Variants in BMPER observed in about 807,000 individuals in gnomAD.
The protein encoded by BMPER is BMP binding endothelial regulator.
A neutral mutation model predicts 87.3 loss-of-function variants in BMPER; 45 were observed. That is an observed-to-expected ratio of 0.52 (90% CI 0.41 to 0.66). The LOEUF (loss-of-function observed/expected upper bound fraction) is 0.66. BMPER is among the 30% of genes least tolerant of loss of function. BMPER has a pLI of 0.00. For synonymous variants in BMPER, 326 were observed against 316.2 expected (o/e 1.03, Z -0.33); for missense variants, 784 against 867.5 (o/e 0.90, Z 1.21).
chr7:34,153,284 G>C lies in BMPER; in HGVS notation c.*11G>C. On this transcript the variant is annotated 3_prime_UTR_variant, in exon 15 of 15. Coordinates refer to ENST00000649409, the MANE Select transcript of BMPER (RefSeq NM_001365308.1). ...TGTCCCCAGCGGTGACCTTTGTTTC[G>C]ATCCTTAAGACTCTGAAATCTGGTG... is the stretch of plus-strand genomic sequence containing the variant. 1 of 1,613,606 alleles carries C rather than the reference G, an allele frequency of 6.2e-7. No homozygotes were observed. The highest frequency in any genetic ancestry group is 8.5e-7 in the Non-Finnish European group (1 of 1,179,860).
At chr7:34,122,840 A>G (rs140188223) in intron 13 of BMPER, among the ~76,000 whole-genome samples, 1 of 152,162 alleles carries the variant, frequency 6.6e-6, no homozygotes, top group Non-Finnish European at 1.5e-5. Flanking sequence ...CTGAAATAAC[A>G]TTTTTTTAAA....
At chr7:33,991,928 T>G (rs1241774421) in intron 6 of BMPER, among the ~76,000 whole-genome samples, 3 of 140,554 alleles carry the variant, frequency 2.1e-5, no homozygotes. Flanking sequence ...TGAGCGGTTT[T>G]GAGTGAGATT....
intron 6 of BMPER, among the ~76,000 whole-genome samples, chr7:33,993,264 A>G (rs1179204972): frequency 1.0e-3 from 155 of 151,464 alleles, no homozygotes; most frequent in East Asian, 7.4e-3. Flanking sequence ...CCAATCAGAC[A>G]TAGATTTGGT....
chr7:34,068,445 G>T (rs1447542525), intron 11 of BMPER, among the ~76,000 whole-genome samples: 6 of 152,204 alleles, frequency 3.9e-5, no homozygotes, highest in Non-Finnish European at 8.8e-5. Context: ...AATTAACAGT[G>T]TTGTCCCTCC....
intron 6 of BMPER, among the ~76,000 whole-genome samples, chr7:33,998,296 C>G (rs962969733): frequency 3.3e-5 from 5 of 152,156 alleles, no homozygotes; most frequent in Admixed American, 6.5e-5. Flanking sequence ...AAAACACTAT[C>G]AAATTGTCTG....
At chr7:33,948,837 G>T (rs1003022671) in intron 3 of BMPER, among the ~76,000 whole-genome samples, 1 of 152,174 alleles carries the variant, frequency 6.6e-6, no homozygotes, top group Non-Finnish European at 1.5e-5. Context: ...TTATAGTAAT[G>T]TGGGAATGGA....
intron 13 of BMPER, among the ~76,000 whole-genome samples, chr7:34,119,445 T>C (rs965403628): frequency 1.3e-5 from 2 of 152,240 alleles, no homozygotes; most frequent in South Asian, 2.1e-4. Flanking sequence ...GCTTCAAAAA[T>C]ACTTCTAGTG....
At chr7:34,011,349 C>T (rs555738066) in intron 6 of BMPER, among the ~76,000 whole-genome samples, 5 of 151,534 alleles carry the variant, frequency 3.3e-5, no homozygotes, top group Admixed American at 6.6e-5. Flanking sequence ...GTAGCAAGGA[C>T]GAGGAATAAT....
intron 6 of BMPER, among the ~76,000 whole-genome samples, chr7:33,977,315 C>A (rs967626287): frequency 2.0e-5 from 3 of 151,934 alleles, no homozygotes; most frequent in Non-Finnish European, 4.4e-5. Flanking sequence ...AAATGGCCCT[C>A]TCTTGAGGAT....
At chr7:34,044,240 C>A (rs1159206023) in intron 6 of BMPER, among the ~76,000 whole-genome samples, 1 of 152,202 alleles carries the variant, frequency 6.6e-6, no homozygotes, top group Non-Finnish European at 1.5e-5. Flanking sequence ...TACTTCAGTA[C>A]ACATAATCTT....
chr7:34,074,261 T>C (rs1788807103), intron 11 of BMPER, among the ~76,000 whole-genome samples: 1 of 151,920 alleles, frequency 6.6e-6, no homozygotes, highest in Admixed American at 6.5e-5. Flanking sequence ...CCCATACATG[T>C]TAGATTGTTT....
intron 13 of BMPER, among the ~76,000 whole-genome samples, chr7:34,096,144 C>T (rs1047658411): frequency 1.3e-4 from 20 of 152,274 alleles, no homozygotes; most frequent in African/African-American, 4.1e-4. Context: ...ACCTGGGTGC[C>T]AGAACTCCTT....
chr7:34,046,922 C>CTTTA (rs1345786174), intron 7 of BMPER, among the ~76,000 whole-genome samples: 1 of 113,234 alleles, frequency 8.8e-6, no homozygotes, highest in Non-Finnish European at 1.8e-5. Context: ...ATGCTAGGCA[C>CTTTA]TTTATTTTTT....
chr7:33,906,770 G>A (rs375558054), intron 1 of BMPER, 48 bp from the exon 2 acceptor site: 9 of 1,523,994 alleles, frequency 5.9e-6, no homozygotes, highest in Non-Finnish European at 8.2e-6. Context: ...TTGAAATCAT[G>A]CTGCTAAGCT....
intron 6 of BMPER, among the ~76,000 whole-genome samples, chr7:34,018,813 C>T (rs1787105670): frequency 6.6e-6 from 1 of 151,590 alleles, no homozygotes; most frequent in Non-Finnish European, 1.5e-5. Context: ...GAGATAAAAT[C>T]ACAAAACAAA....
chr7:33,987,493 C>T (rs1168450812), intron 6 of BMPER, among the ~76,000 whole-genome samples: 1 of 152,156 alleles, frequency 6.6e-6, no homozygotes, highest in African/African-American at 2.4e-5. Context: ...TTCTGAAATC[C>T]ACCTAAGATC....
chr7:34,135,157 G>A (rs1790689025), intron 13 of BMPER, among the ~76,000 whole-genome samples: 1 of 152,112 alleles, frequency 6.6e-6, no homozygotes, highest in African/African-American at 2.4e-5. Context: ...ATATAAGGTA[G>A]GGACAGTGGG....
intron 11 of BMPER, among the ~76,000 whole-genome samples, chr7:34,077,986 T>C (rs901140858): frequency 1.3e-5 from 2 of 152,170 alleles, no homozygotes; most frequent in African/African-American, 4.8e-5. Flanking sequence ...TCATGCCTTT[T>C]TGAAAACGGA....
intron 4 of BMPER, among the ~76,000 whole-genome samples, 178 bp downstream of exon 4, chr7:33,966,739 G>A (rs924615957): frequency 2.0e-5 from 3 of 152,344 alleles, no homozygotes; most frequent in Non-Finnish European, 4.4e-5. Context: ...GACAGGTGCA[G>A]CATAGATATT....
Sources: allele counts gnomAD v4.1 joint callset (sites outside exome capture counted in the v4.1 genomes callset), GRCh38; gene constraint gnomAD v4.1.1; transcripts MANE v1.5; gene names NCBI Gene and HGNC (gene_info 2026-07-23, HGNC 2026-07-21).